GPC5: variants seen among roughly 807,000 people sequenced by gnomAD.
GPC5 encodes glypican-5.
Under a neutral mutation model 53.9 loss-of-function variants are expected in GPC5, and 47 were observed. That is an observed-to-expected ratio of 0.87 (90% CI 0.69 to 1.11). The LOEUF (loss-of-function observed/expected upper bound fraction) is 1.11. Among genes scored for constraint, GPC5 ranks in the 50% most tolerant of loss-of-function variants. GPC5 has a pLI of 0.00. For synonymous variants in GPC5, 286 were observed against 263.3 expected, an observed-to-expected ratio of 1.09 and a Z score of -0.84; for missense variants, 748 against 713.1, an observed-to-expected ratio of 1.05 and a Z score of -0.56.
intron 7 of GPC5, among the ~76,000 whole-genome samples, chr13:92,524,233 G>T (rs1293301837): frequency 6.6e-6 from 1 of 151,972 alleles, no homozygotes; most frequent in African/African-American, 2.4e-5. Flanking sequence ...CTAAGTTTAT[G>T]GAATATTCTA....
At chr13:91,533,777 A>T (rs1023872680) in intron 2 of GPC5, among the ~76,000 whole-genome samples, 1 of 152,174 alleles carries the variant, frequency 6.6e-6, no homozygotes, top group Non-Finnish European at 1.5e-5. Flanking sequence ...TATTCTTTAG[A>T]GGTAATTAGG....
At chr13:91,722,376 T>A (rs909744418) in intron 3 of GPC5, among the ~76,000 whole-genome samples, 2 of 152,206 alleles carry the variant, frequency 1.3e-5, no homozygotes, top group Admixed American at 6.5e-5. Flanking sequence ...TAAGCACTTG[T>A]CACTTGGGCT....
intron 2 of GPC5, among the ~76,000 whole-genome samples, chr13:91,660,864 A>C (rs1298718758): frequency 2.6e-5 from 4 of 152,082 alleles, no homozygotes; most frequent in Non-Finnish European, 5.9e-5. Context: ...CATTTACCCC[A>C]CCCACTGGCT....
chr13:92,010,563 T>C (rs1395593400), intron 6 of GPC5, among the ~76,000 whole-genome samples: 1 of 152,198 alleles, frequency 6.6e-6, no homozygotes, highest in South Asian at 2.1e-4. Context: ...GGAGACACTA[T>C]TTTTGGGCAA....
At chr13:92,464,420 ATAAG>A (rs1215995159) in intron 7 of GPC5, among the ~76,000 whole-genome samples, 13 of 152,140 alleles carry the variant, frequency 8.5e-5, no homozygotes, top group African/African-American at 2.9e-4. Context: ...AAATTTGTGG[ATAAG>A]TAAATAATAA....
chr13:91,953,385 G>A (rs941669409), intron 6 of GPC5, among the ~76,000 whole-genome samples: 2 of 152,124 alleles, frequency 1.3e-5, no homozygotes, highest in African/African-American at 4.8e-5. Context: ...GATTCTTGCT[G>A]TGGGTTGGAC....
intron 7 of GPC5, among the ~76,000 whole-genome samples, chr13:92,515,401 C>T (rs1416660215): frequency 6.6e-6 from 1 of 152,146 alleles, no homozygotes; most frequent in Non-Finnish European, 1.5e-5. Context: ...TTTCTTTCAT[C>T]TAATTCCAGA....
chr13:92,738,565 A>G (rs1889000873), intron 7 of GPC5, among the ~76,000 whole-genome samples: 2 of 152,128 alleles, frequency 1.3e-5, no homozygotes, highest in Non-Finnish European at 2.9e-5. Context: ...AGTGTGAAGG[A>G]ATAATAATGT....
chr13:92,344,046 G>A (rs573772378), intron 7 of GPC5, among the ~76,000 whole-genome samples: 8 of 151,198 alleles, frequency 5.3e-5, no homozygotes, highest in Admixed American at 4.6e-4. Context: ...TTTGGGGAGT[G>A]GGGAGGTTAG....
chr13:91,532,991 C>T (rs1340032395), intron 2 of GPC5, among the ~76,000 whole-genome samples: 2 of 151,994 alleles, frequency 1.3e-5, no homozygotes, highest in Non-Finnish European at 2.9e-5. Context: ...TGGTAAATTA[C>T]CAATGGAGAA....
chr13:92,349,668 A>G (rs564257469), intron 7 of GPC5, among the ~76,000 whole-genome samples: 1 of 152,228 alleles, frequency 6.6e-6, no homozygotes, highest in East Asian at 1.9e-4. Flanking sequence ...CTAGGCATAT[A>G]CAACCTACCA....
chr13:91,528,973 C>A (rs569521973), intron 2 of GPC5, among the ~76,000 whole-genome samples: 1 of 152,182 alleles, frequency 6.6e-6, no homozygotes, highest in African/African-American at 2.4e-5. Flanking sequence ...TCCCTCCACA[C>A]GTCAGTATTA....
At chr13:91,993,232 C>T (rs181465595) in intron 6 of GPC5, among the ~76,000 whole-genome samples, 1 of 152,276 alleles carries the variant, frequency 6.6e-6, no homozygotes, top group East Asian at 1.9e-4. Flanking sequence ...TATCTTCAAC[C>T]TCCCTTCCTC....
At chr13:92,650,055 A>T (rs17267242) in intron 7 of GPC5, among the ~76,000 whole-genome samples, 7 of 151,928 alleles carry the variant, frequency 4.6e-5, no homozygotes. Flanking sequence ...GTTTCTCATC[A>T]TAAGTTCACC....
intron 2 of GPC5, among the ~76,000 whole-genome samples, chr13:91,493,570 G>A (rs897226610): frequency 1.3e-5 from 2 of 151,656 alleles, no homozygotes; most frequent in Non-Finnish European, 2.9e-5. Flanking sequence ...TTTGATTTTA[G>A]ACCCCACAAA....
intron 6 of GPC5, among the ~76,000 whole-genome samples, chr13:92,005,570 G>T (rs2040599266): frequency 6.6e-6 from 1 of 152,022 alleles, no homozygotes; most frequent in Admixed American, 6.5e-5. Flanking sequence ...AGGATATATT[G>T]CTATTTACAA....
chr13:91,401,319 A>T (rs1304636118), intron 1 of GPC5, among the ~76,000 whole-genome samples: 1 of 151,882 alleles, frequency 6.6e-6, no homozygotes, highest in East Asian at 1.9e-4. Flanking sequence ...CCTCAATCCC[A>T]AATTGAGTAA....
intron 7 of GPC5, among the ~76,000 whole-genome samples, chr13:92,639,272 C>G (rs1386527921): frequency 1.3e-5 from 2 of 152,176 alleles, no homozygotes; most frequent in African/African-American, 4.8e-5. Flanking sequence ...CTTATTTTCT[C>G]TCATAATGCT....
At chr13:92,104,935 C>T (rs1049448595) in intron 6 of GPC5, among the ~76,000 whole-genome samples, 1 of 152,038 alleles carries the variant, frequency 6.6e-6, no homozygotes, top group Non-Finnish European at 1.5e-5. Context: ...AAAACATGGA[C>T]ATGTTGAGAA....
Sources: gnomAD v4.1 joint callset for allele counts (sites outside exome capture counted in the v4.1 genomes callset) on GRCh38, gnomAD v4.1.1 for gene constraint, MANE v1.5 for transcripts, NCBI Gene and HGNC (gene_info 2026-07-23, HGNC 2026-07-21) for gene names.